Variants in RCOR1 observed in about 807,000 individuals in gnomAD.
The protein encoded by RCOR1 is REST corepressor 1.
In RCOR1, 12 loss-of-function variants were observed where a neutral mutation model predicts 64.0. The ratio of observed to expected loss-of-function variants is 0.19; its 90% CI spans 0.12 to 0.30. The LOEUF (loss-of-function observed/expected upper bound fraction) is 0.30, where lower values mean the gene tolerates loss of function less well. RCOR1 is among the 10% of genes least tolerant of loss of function. The probability of loss-of-function intolerance (pLI) is 1.00; values close to 1 mark genes in which losing one functional copy is unlikely to be tolerated. For missense variants in RCOR1, 502 were observed against 621.2 expected (o/e 0.81, Z 2.04); for synonymous variants, 279 against 227.2 (o/e 1.23, Z -2.05).
Position 102,592,728 on chromosome 14 carries a change from T to A in RCOR1, c.-159T>A. On this transcript the variant is annotated 5_prime_UTR_variant, in exon 1 of 12. Coordinates refer to ENST00000262241, the MANE Select transcript of RCOR1 (RefSeq NM_015156.4). ...CTGGGGGCTTGAAGCGGCTCCGCGC[T>A]CTGCCCGTTTGGGCCTCCCCCGACT... The A allele has an allele frequency of 8.2e-7, 1 of 1,223,982 alleles. No homozygotes were observed. The highest frequency in any genetic ancestry group is 1.0e-6 in the Non-Finnish European group (1 of 983,226). 75.8% of individuals were successfully genotyped at this position (1,223,982 alleles called of 1,614,324 possible). A position where few individuals can be genotyped will look rare whatever the true frequency, so the allele number is the denominator to read the frequency against.
chr14:102,592,965 G>GCCTCCGCCGCCT lies in RCOR1; in HGVS notation c.81_82insTCCGCCGCCTCC (p.Ala27_Ala28insSerAlaAlaSer). ...GAACAACGCGGCCGCCTCCGCCTCC[G>GCCTCCGCCGCCT]CCGCCGCCGCCTCCGCCGCCGCCTC... On this transcript the variant is annotated inframe_insertion, in exon 1 of 12. Coordinates refer to ENST00000262241, the MANE Select transcript of RCOR1 (RefSeq NM_015156.4). 1 of 1,144,700 alleles carries GCCTCCGCCGCCT rather than the reference G, an allele frequency of 8.7e-7. No homozygotes were observed. The highest frequency in any genetic ancestry group is 5.1e-5 in the East Asian group (1 of 19,672). The allele number at this position is 1,144,700 out of a possible 1,614,324, so 70.9% of individuals were successfully genotyped here. A position where few individuals can be genotyped will look rare whatever the true frequency, so the allele number is the denominator to read the frequency against.
intron 2 of RCOR1, among the ~76,000 whole-genome samples, chr14:102,600,702 C>T (rs896756541): frequency 2.6e-5 from 4 of 151,732 alleles, no homozygotes; most frequent in African/African-American, 9.7e-5. Flanking sequence ...TCCCGAGTAG[C>T]TGGGACTACA....
chr14:102,616,103 G>A (rs1053653190), intron 2 of RCOR1, among the ~76,000 whole-genome samples: 5 of 152,150 alleles, frequency 3.3e-5, no homozygotes, highest in Non-Finnish European at 5.9e-5. Flanking sequence ...CAAATTTCAA[G>A]AGTTCCTGCA....
chr14:102,643,169 C>T (rs1225790886), intron 2 of RCOR1: 1 of 163,038 alleles, frequency 6.1e-6, no homozygotes, highest in Non-Finnish European at 1.3e-5. Context: ...GTAGTCCCAG[C>T]TACTTGGCAG....
At chr14:102,656,466 CTGTTTTTT>C (rs1158873100) in intron 2 of RCOR1, among the ~76,000 whole-genome samples, 1 of 151,306 alleles carries the variant, frequency 6.6e-6, no homozygotes, top group Non-Finnish European at 1.5e-5. Context: ...GAAAATGTTT[CTGTTTTTT>C]TGTTTATTTG....
At chr14:102,670,962 T>A (rs1895022102) in intron 2 of RCOR1, among the ~76,000 whole-genome samples, 1 of 151,852 alleles carries the variant, frequency 6.6e-6, no homozygotes, top group Admixed American at 6.6e-5. Context: ...TTAGTAGAGA[T>A]GGGGTTTCAC....
At chr14:102,642,002 T>C (rs559365285) in intron 2 of RCOR1, among the ~76,000 whole-genome samples, 1 of 152,326 alleles carries the variant, frequency 6.6e-6, no homozygotes, top group African/African-American at 2.4e-5. Context: ...CTGGATTTCA[T>C]GTGGTGAATA....
At chr14:102,651,154 C>T (rs1894579986) in intron 2 of RCOR1, 3 of 752,388 alleles carry the variant, frequency 4.0e-6, no homozygotes, top group African/African-American at 3.8e-5. Flanking sequence ...AACCCAGCGG[C>T]GCTAGAGGAA....
chr14:102,703,050 A>G (rs954380960), intron 4 of RCOR1, among the ~76,000 whole-genome samples: 2 of 152,256 alleles, frequency 1.3e-5, no homozygotes, highest in Non-Finnish European at 2.9e-5. Context: ...GGAAACCAAA[A>G]TGAAATTCTA....
intron 3 of RCOR1, among the ~76,000 whole-genome samples, chr14:102,690,002 C>G (rs1360035324): frequency 1.3e-5 from 2 of 152,066 alleles, no homozygotes; most frequent in African/African-American, 4.8e-5. Context: ...CTCAGCCTCC[C>G]AAAGTGCTGG....
intron 2 of RCOR1, chr14:102,659,054 A>G: frequency 5.8e-6 from 5 of 865,840 alleles, no homozygotes; most frequent in Non-Finnish European, 6.9e-6. Context: ...GGGAGTGGGG[A>G]ATATTTACAT....
rs75017083 is a variant in RCOR1, at chr14:102,726,999, C to T, written c.*493C>T. On this transcript the variant is annotated 3_prime_UTR_variant, in exon 12 of 12. Coordinates refer to ENST00000262241, the MANE Select transcript of RCOR1 (RefSeq NM_015156.4). ...TGAGACAACCACCTAAGTGATAATA[C>T]GCTTTTTTGGAAACTAATATATATT... 14,690 of 154,704 alleles carry T rather than the reference C, an allele frequency of 0.095. 756 individuals carry two copies. The highest frequency in any genetic ancestry group is 0.16 in the Middle Eastern group (50 of 306). 9.6% of individuals were successfully genotyped at this position (154,704 alleles called of 1,614,324 possible). A position where few individuals can be genotyped will look rare whatever the true frequency, so the allele number is the denominator to read the frequency against.
At chr14:102,605,604 A>G (rs1567404872) in intron 2 of RCOR1, among the ~76,000 whole-genome samples, 1 of 152,212 alleles carries the variant, frequency 6.6e-6, no homozygotes, top group Non-Finnish European at 1.5e-5. Context: ...AATCTAGCAC[A>G]TGGAGTTATG....
chr14:102,708,713 G>A, intron 6 of RCOR1, 130 bp downstream of exon 6: 1 of 567,048 alleles, frequency 1.8e-6, no homozygotes. Context: ...TTCATGAGAT[G>A]TATTAGAGCG....
At chr14:102,630,548 C>T (rs1894090718) in intron 2 of RCOR1, among the ~76,000 whole-genome samples, 1 of 152,182 alleles carries the variant, frequency 6.6e-6, no homozygotes, top group Non-Finnish European at 1.5e-5. Flanking sequence ...TATCAGGGAT[C>T]AGTGCAGAAA....
rs113620868 is a variant in RCOR1, at chr14:102,678,076, G to A, written c.362-3819G>A. Among the ~76,000 whole-genome samples the A allele has an allele frequency of 3.0e-3, 459 of 150,544 alleles. 4 individuals carry two copies. The highest frequency in any genetic ancestry group is 7.1e-3 in the Admixed American group (108 of 15,154). On this transcript the variant is annotated intron_variant, in intron 2 of 11. Coordinates refer to ENST00000262241, the MANE Select transcript of RCOR1 (RefSeq NM_015156.4). ...AAACCAGTCAGGCGTGGCGGCGCGC[G>A]CCTGCAATCGCAGGCACTCGGCAGG...
chr14:102,677,113 A>G (rs1303978600), intron 2 of RCOR1, among the ~76,000 whole-genome samples: 1 of 122,290 alleles, frequency 8.2e-6, no homozygotes, highest in Non-Finnish European at 1.7e-5. Flanking sequence ...GGCCGGGCCG[A>G]GGAGCCCCTC....
intron 2 of RCOR1, among the ~76,000 whole-genome samples, chr14:102,607,666 G>A (rs374758523): frequency 2.8e-4 from 43 of 152,084 alleles, no homozygotes; most frequent in East Asian, 1.4e-3. Context: ...GGCAGATCAC[G>A]AGGTCAGGAG....
intron 2 of RCOR1, among the ~76,000 whole-genome samples, chr14:102,637,612 A>T (rs1271167371): frequency 6.6e-6 from 1 of 151,792 alleles, no homozygotes; most frequent in East Asian, 1.9e-4. Flanking sequence ...GTGCTTGGCT[A>T]ATGTTTAGTA....
Sources: gnomAD v4.1 joint callset for allele counts (sites outside exome capture counted in the v4.1 genomes callset) on GRCh38, gnomAD v4.1.1 for gene constraint, MANE v1.5 for transcripts, NCBI Gene and HGNC (gene_info 2026-07-23, HGNC 2026-07-21) for gene names.